Variants in GRID2 observed in about 807,000 individuals in gnomAD.
GRID2 encodes the protein glutamate ionotropic receptor delta type subunit 2, also known as glutamate receptor ionotropic, delta-2.
GRID2 carries 33 observed loss-of-function variants against 114.8 expected under a neutral mutation model. The observed-to-expected ratio is 0.29, with a 90% confidence interval of 0.22 to 0.38. GRID2 has a LOEUF of 0.38. Ranked by LOEUF, GRID2 falls within the 10% of genes least tolerant of loss-of-function variation. GRID2 has a pLI of 1.00. For synonymous variants in GRID2, 505 were observed against 449.9 expected (o/e 1.12, Z -1.55); for missense variants, 1,184 against 1,257.7 (o/e 0.94, Z 0.89).
At chr4:92,412,532 G>A (rs113804673) in intron 1 of GRID2, among the ~76,000 whole-genome samples, 3 of 151,744 alleles carry the variant, frequency 2.0e-5, no homozygotes, top group African/African-American at 7.3e-5. Flanking sequence ...TAACCTCTAA[G>A]GTTTTCATTT....
chr4:93,733,764 G>A (rs1730690796), intron 14 of GRID2, among the ~76,000 whole-genome samples: 1 of 152,064 alleles, frequency 6.6e-6, no homozygotes, highest in Admixed American at 6.6e-5. Flanking sequence ...TGCAGGATCT[G>A]TTGATGCTAA....
In GRID2 at chr4:92,639,109, G is replaced by A. The variant is rs151097530; in HGVS notation, c.244+48823G>A. Among the ~76,000 whole-genome samples the A allele has an allele frequency of 3.8e-4, 57 of 151,556 alleles. No homozygotes were observed. The East Asian group carries it at 4.1e-3, about 11-fold the overall frequency. ...TCCCTCATAATTGTTTAGAAATAAC[G>A]TATCTTTAGAATGTGTCAATAATTT... On this transcript the variant is annotated intron_variant, in intron 2 of 15. Transcript: ENST00000282020.
chr4:93,784,098 A>AC (rs1578793724), intron 1 of GRID2, among the ~76,000 whole-genome samples: 1 of 150,604 alleles, frequency 6.6e-6, no homozygotes, highest in Non-Finnish European at 1.5e-5. Context: ...AAAAAAAAAA[A>AC]ACCAACCCTT....
chr4:93,212,163 G>T (rs1304024823), intron 5 of GRID2, among the ~76,000 whole-genome samples: 1 of 152,146 alleles, frequency 6.6e-6, no homozygotes. Flanking sequence ...TTGGCTGAAC[G>T]TGGAGAACAT....
intron 13 of GRID2, among the ~76,000 whole-genome samples, chr4:93,591,011 T>C (rs1738220490): frequency 6.6e-6 from 1 of 151,436 alleles, no homozygotes; most frequent in Non-Finnish European, 1.5e-5. Flanking sequence ...ACAGGGACAA[T>C]TGGACTTCCT....
At chr4:93,082,531 T>C (rs950426655) in intron 2 of GRID2, among the ~76,000 whole-genome samples, 5 of 152,182 alleles carry the variant, frequency 3.3e-5, no homozygotes, top group Non-Finnish European at 7.3e-5. Context: ...GTACTTTTTC[T>C]TATTGAGTCT....
At chr4:92,697,146 G>A (rs1346530284) in intron 2 of GRID2, among the ~76,000 whole-genome samples, 3 of 152,066 alleles carry the variant, frequency 2.0e-5, no homozygotes, top group Admixed American at 6.6e-5. Flanking sequence ...TTTCAGCTTT[G>A]TCTTCCACTG....
chr4:92,907,375 T>G (rs1748034979), intron 2 of GRID2, among the ~76,000 whole-genome samples: 1 of 152,134 alleles, frequency 6.6e-6, no homozygotes, highest in Non-Finnish European at 1.5e-5. Flanking sequence ...TCTTAGAATA[T>G]TATCTACCTG....
intron 1 of GRID2, among the ~76,000 whole-genome samples, chr4:92,505,808 G>T (rs550283734): frequency 6.6e-6 from 1 of 152,052 alleles, no homozygotes; most frequent in South Asian, 2.1e-4. Context: ...CCTCAGCAGA[G>T]CTTTATATTG....
chr4:92,861,529 T>C (rs1172123436), intron 2 of GRID2, among the ~76,000 whole-genome samples: 1 of 152,116 alleles, frequency 6.6e-6, no homozygotes, highest in Non-Finnish European at 1.5e-5. Context: ...GCTGTCACAG[T>C]ACCTACTATG....
At chr4:92,577,589 G>A (rs965511443) in intron 1 of GRID2, among the ~76,000 whole-genome samples, 4 of 152,134 alleles carry the variant, frequency 2.6e-5, no homozygotes, top group Admixed American at 6.6e-5. Context: ...TAACTGTTTG[G>A]CATTGTTTTT....
intron 12 of GRID2, among the ~76,000 whole-genome samples, chr4:93,495,085 T>C (rs1727397019): frequency 6.6e-6 from 1 of 151,804 alleles, no homozygotes; most frequent in African/African-American, 2.4e-5. Context: ...TCCCAGGAGC[T>C]GCAAGTAAAC....
chr4:92,380,544 G>T lies in GRID2; in HGVS notation c.88+75800G>T, dbSNP rs575272664. The stretch of plus-strand genomic sequence containing the variant: ...TGTCTCATTTTTCTATGTATTTTAA[G>T]TATATTTTGTTGACTTATGTTGCAT... On this transcript the variant is annotated intron_variant, in intron 1 of 15. Transcript: ENST00000282020. Among the ~76,000 whole-genome samples the T allele has an allele frequency of 2.6e-5, 4 of 151,998 alleles. No individual in the cohort carries two copies. The South Asian group carries it at 8.3e-4, about 31-fold the overall frequency.
intron 2 of GRID2, among the ~76,000 whole-genome samples, chr4:92,842,776 T>A (rs897506191): frequency 1.3e-5 from 2 of 152,120 alleles, no homozygotes; most frequent in African/African-American, 4.8e-5. Flanking sequence ...CCAGGCCTAA[T>A]CTTTACTTGG....
chr4:93,393,526 A>G (rs557516070), intron 8 of GRID2, among the ~76,000 whole-genome samples: 2 of 152,070 alleles, frequency 1.3e-5, no homozygotes, highest in South Asian at 4.1e-4. Context: ...AGAAGATTAG[A>G]TATATTTACC....
chr4:93,001,723 A>T (rs556529738), intron 2 of GRID2, among the ~76,000 whole-genome samples: 1 of 151,876 alleles, frequency 6.6e-6, no homozygotes, highest in African/African-American at 2.4e-5. Flanking sequence ...ATCTGCCATT[A>T]TCAGCTGTGT....
At chr4:92,963,745 C>T (rs1229997034) in intron 2 of GRID2, among the ~76,000 whole-genome samples, 1 of 151,940 alleles carries the variant, frequency 6.6e-6, no homozygotes, top group Non-Finnish European at 1.5e-5. Flanking sequence ...ATTGGTGAAT[C>T]CTTTCCAGAA....
chr4:92,974,551 G>A (rs1221725491), intron 2 of GRID2, among the ~76,000 whole-genome samples: 2 of 152,066 alleles, frequency 1.3e-5, no homozygotes, highest in Non-Finnish European at 2.9e-5. Context: ...CATGGATGAA[G>A]CTGGAAACCA....
rs1206780169 is a variant in GRID2, at chr4:92,600,044, G to GTGTATATA, written c.244+9759_244+9760insGTATATAT. On this transcript the variant is annotated intron_variant, in intron 2 of 15. Coordinates refer to ENST00000282020, the MANE Select transcript of GRID2 (RefSeq NM_001510.4). ...CATGTATGTGTGTGTGTGTGTGTGT[G>GTGTATATA]TATATATATATATATATATATATAT... is the stretch of plus-strand genomic sequence containing the variant. 6.6e-3 allele frequency among the ~76,000 whole-genome samples: 360 copies of GTGTATATA among 54,376 alleles called. 5 individuals carry two copies. The highest frequency in any genetic ancestry group is 9.4e-3 in the Non-Finnish European group (273 of 28,970). The allele number at this position is 54,376 out of a possible 152,430, so 35.7% of individuals were successfully genotyped here. A position where few individuals can be genotyped will look rare whatever the true frequency, so the allele number is the denominator to read the frequency against.
Sources: gnomAD v4.1 joint callset for allele counts (sites outside exome capture counted in the v4.1 genomes callset) on GRCh38, gnomAD v4.1.1 for gene constraint, MANE v1.5 for transcripts, NCBI Gene and HGNC (gene_info 2026-07-23, HGNC 2026-07-21) for gene names.